PTK2: variants seen among roughly 807,000 people sequenced by gnomAD.
PTK2 encodes focal adhesion kinase 1.
Under a neutral mutation model 150.1 loss-of-function variants are expected in PTK2, and 45 were observed. The observed-to-expected ratio is 0.30, with a 90% CI of 0.24 to 0.38. The LOEUF (loss-of-function observed/expected upper bound fraction) is 0.38, where lower values mean the gene tolerates loss of function less well. Ranked by LOEUF, PTK2 falls within the 10% of genes least tolerant of loss-of-function variation. The pLI, the probability that PTK2 is intolerant of heterozygous loss-of-function variation, is 1.00. For missense variants in PTK2, 919 were observed against 1,307.3 expected, an observed-to-expected ratio of 0.70 and a Z score of 4.58; for synonymous variants, 432 against 449.2, an observed-to-expected ratio of 0.96 and a Z score of 0.48.
chr8:140,777,501 A>C (rs2100079133), intron 14 of PTK2, among the ~76,000 whole-genome samples: 1 of 152,218 alleles, frequency 6.6e-6, no homozygotes, highest in Non-Finnish European at 1.5e-5. Flanking sequence ...CCACCTCCAA[A>C]ACTGGGGATT....
intron 2 of PTK2, among the ~76,000 whole-genome samples, chr8:140,891,802 T>G (rs976175572): frequency 2.0e-5 from 3 of 152,202 alleles, no homozygotes; most frequent in African/African-American, 7.2e-5. Context: ...GGAATAAGAC[T>G]TCAGGAATAA....
intron 9 of PTK2, 144 bp downstream of exon 9, chr8:140,818,736 T>G (rs2100106269): frequency 1.0e-6 from 1 of 964,134 alleles, no homozygotes. Context: ...TTTCTATTTT[T>G]CACATGGTAA....
intron 14 of PTK2, among the ~76,000 whole-genome samples, chr8:140,765,835 A>C (rs2154552800): frequency 6.6e-6 from 1 of 152,300 alleles, no homozygotes; most frequent in African/African-American, 2.4e-5. Flanking sequence ...AAAAAGACTA[A>C]GCAGGGGAGG....
At chr8:140,770,139 C>A (rs1446063004) in intron 14 of PTK2, among the ~76,000 whole-genome samples, 4 of 152,202 alleles carry the variant, frequency 2.6e-5, no homozygotes, top group African/African-American at 9.6e-5. Context: ...TGAAGCTCTG[C>A]TGACAACGAA....
intron 17 of PTK2, among the ~76,000 whole-genome samples, chr8:140,751,701 A>G (rs2100062794): frequency 6.6e-6 from 1 of 152,126 alleles, no homozygotes; most frequent in Admixed American, 6.5e-5. Flanking sequence ...CATGTTGGCC[A>G]GACTGGTCTC....
chr8:140,948,674 C>G (rs899548733), intron 1 of PTK2: 1 of 152,156 alleles, frequency 6.6e-6, no homozygotes, highest in Non-Finnish European at 1.5e-5. Context: ...ACAATACAGT[C>G]AGCCATCCAC....
At chr8:140,909,379 C>T (rs1190563697) in intron 2 of PTK2, among the ~76,000 whole-genome samples, 6 of 152,154 alleles carry the variant, frequency 3.9e-5, no homozygotes, top group Non-Finnish European at 8.8e-5. Flanking sequence ...CTATAGATTA[C>T]AGGACAGCTA....
At chr8:140,674,203 C>A (rs1298645423) in intron 29 of PTK2, 95 bp downstream of exon 32, 5 of 1,254,974 alleles carry the variant, frequency 4.0e-6, no homozygotes, top group Middle Eastern at 1.8e-4. Flanking sequence ...ATTTTCAGCA[C>A]CAACTCCACT....
intron 1 of PTK2, among the ~76,000 whole-genome samples, chr8:140,958,593 T>C (rs1237559337): frequency 1.3e-5 from 2 of 152,364 alleles, no homozygotes; most frequent in East Asian, 1.9e-4. Flanking sequence ...TACCCACTAG[T>C]CACGTGCTAA....
chr8:140,852,692 G>A (rs13282141), intron 5 of PTK2, among the ~76,000 whole-genome samples: 64,443 of 151,994 alleles, frequency 0.42, 15,365 homozygotes, highest in Non-Finnish European at 0.55. Flanking sequence ...GGAAATGTAC[G>A]GGTACTATGC....
intron 1 of PTK2, among the ~76,000 whole-genome samples, chr8:140,972,368 G>GATTC (rs2100187634): frequency 6.6e-6 from 1 of 152,150 alleles, no homozygotes; most frequent in South Asian, 2.1e-4. Flanking sequence ...AGGTTCAAGT[G>GATTC]ATTCACCTGC....
intron 26 of PTK2, among the ~76,000 whole-genome samples, chr8:140,697,416 TTGTGTGTG>T (rs34459077): frequency 0.012 from 1,810 of 145,808 alleles, 25 homozygotes; most frequent in Non-Finnish European, 0.018. Context: ...AGAATACGGT[TTGTGTGTG>T]TGTGTGTGTG....
intron 22 of PTK2, 67 bp from the exon 26 acceptor site, chr8:140,717,776 C>T: frequency 8.0e-7 from 1 of 1,246,632 alleles, no homozygotes. Context: ...AGACCCCACC[C>T]TGAGTTATCT....
chr8:140,815,077 T>C (rs1406174460), intron 10 of PTK2, among the ~76,000 whole-genome samples: 2 of 152,120 alleles, frequency 1.3e-5, no homozygotes, highest in East Asian at 1.9e-4. Flanking sequence ...CCCGGCCAAA[T>C]TGTTCTTTTA....
intron 1 of PTK2, among the ~76,000 whole-genome samples, chr8:140,929,436 C>A (rs2100170921): frequency 2.6e-5 from 4 of 152,074 alleles, no homozygotes; most frequent in Admixed American, 2.6e-4. Context: ...AGACAATAAC[C>A]AATCACTGAC....
Position 140,664,922 on chromosome 8 carries a change from G to A in PTK2, c.2941C>T (p.Arg981Ter), listed in dbSNP as rs878926321. 1 of 1,613,348 alleles carries A rather than the reference G, an allele frequency of 6.2e-7. No individual in the cohort carries two copies. The highest frequency in any genetic ancestry group is 8.5e-7 in the Non-Finnish European group (1 of 1,179,870). ...AGGGGAAGATTGTGCCCTACCTCTC[G>A]GTGGGTGCTGGCTGGTAGGAGGGGA... Residue 981 changes from arginine to a stop codon, truncating the protein, a stop_gained, in exon 31 of 32, where the codon CGA becomes TGA. Transcript: ENST00000522684. LOFTEE classifies it high-confidence loss of function.
At chr8:140,747,179 C>T (rs933012035) in intron 17 of PTK2, 9 of 206,358 alleles carry the variant, frequency 4.4e-5, no homozygotes, top group South Asian at 9.9e-5. Flanking sequence ...CGTGAGCCAC[C>T]GCACCCGGCC....
intron 1 of PTK2, among the ~76,000 whole-genome samples, chr8:140,953,861 C>T (rs1396578636): frequency 2.0e-5 from 3 of 152,166 alleles, no homozygotes; most frequent in African/African-American, 7.2e-5. Flanking sequence ...TCCTGGCTCA[C>T]TGCAGCCTCA....
chr8:140,730,961 C>CA (rs889727870), intron 22 of PTK2, among the ~76,000 whole-genome samples: 3 of 142,640 alleles, frequency 2.1e-5, no homozygotes, highest in Admixed American at 6.9e-5. Flanking sequence ...AAACCCCCCC[C>CA]CCCCTTTTTT....
Sources: gnomAD v4.1 joint callset for allele counts (sites outside exome capture counted in the v4.1 genomes callset) on GRCh38, gnomAD v4.1.1 for gene constraint, MANE v1.5 for transcripts, NCBI Gene and HGNC (gene_info 2026-07-23, HGNC 2026-07-21) for gene names.